The following DOCK11 variants were observed in gnomAD, a reference collection of about 807,000 sequenced individuals.
DOCK11 encodes dedicator of cytokinesis 11.
Under a neutral mutation model 169.1 loss-of-function variants are expected in DOCK11, and 70 were observed. That is an observed-to-expected ratio of 0.41 (90% confidence interval 0.34 to 0.51). DOCK11 has a LOEUF of 0.51. Ranked by LOEUF, DOCK11 falls within the 20% of genes least tolerant of loss-of-function variation. The pLI is 0.10. For missense variants in DOCK11, 1,166 were observed against 1,538.8 expected (o/e 0.76, Z 4.05); for synonymous variants, 529 against 541.3 (o/e 0.98, Z 0.32).
At chrX:118,662,610 C>G (rs1013036361) in intron 44 of DOCK11, 76 bp from the exon 45 acceptor site, 17 of 504,170 alleles carry the variant, frequency 3.4e-5, no homozygotes, top group African/African-American at 4.8e-5. Flanking sequence ...TTAAATAGCC[C>G]ATCTCTGTAA....
At chrX:118,577,694 C>G (rs2013490295) in intron 12 of DOCK11, among the ~76,000 whole-genome samples, 1 of 111,611 alleles carries the variant, frequency 9.0e-6, no homozygotes, top group Non-Finnish European at 1.9e-5. Flanking sequence ...CTGTCTACCT[C>G]CAAGGGTTCT....
chrX:118,531,731 G>A (rs1346542311), intron 1 of DOCK11, among the ~76,000 whole-genome samples: 1 of 109,521 alleles, frequency 9.1e-6, no homozygotes, highest in African/African-American at 3.3e-5. Context: ...CTAACTTTTT[G>A]TATTTTTAGT....
At chrX:118,510,584 G>C (rs1315704947) in intron 1 of DOCK11, among the ~76,000 whole-genome samples, 1 of 111,309 alleles carries the variant, frequency 9.0e-6, no homozygotes, top group Non-Finnish European at 1.9e-5. Context: ...AAAGAGGTAG[G>C]GGTGTGTGTG....
chrX:118,615,671 G>A lies in DOCK11; in HGVS notation c.3252G>A (p.Leu1084=), dbSNP rs1210888488. The part of the protein sequence containing the change: ...CNHEHYIPLN[L]PMAFAKPKLQ... ...ACGAACATTACATTCCTCTGAACTT[G>A]CCAATGGCATTTGCAAAACCTAAAC... Residue 1084 remains leucine, a synonymous_variant, in exon 30 of 53, where the codon TTG becomes TTA. Coordinates refer to ENST00000276202, the MANE Select transcript of DOCK11 (RefSeq NM_144658.4). The A allele has an allele frequency of 1.7e-6, 2 of 1,209,211 alleles. No homozygotes were observed. Among genetic ancestry groups the A allele is most frequent in the Non-Finnish European group, 1.1e-6 (1 of 894,266 alleles).
chrX:118,677,862 C>T (rs1175173072), intron 48 of DOCK11, among the ~76,000 whole-genome samples: 1 of 112,078 alleles, frequency 8.9e-6, no homozygotes, highest in East Asian at 2.8e-4. Flanking sequence ...AAGACTTGTT[C>T]CCACAATATT....
At chrX:118,629,239 C>G (rs762287370) in intron 34 of DOCK11, among the ~76,000 whole-genome samples, 6 of 111,540 alleles carry the variant, frequency 5.4e-5, no homozygotes, top group Non-Finnish European at 1.1e-4. Context: ...AAATGTTTCT[C>G]TTTTACACCA....
rs2013778440 is a variant in DOCK11 at position 118,585,088 on chromosome X, C to T, written c.1766C>T (p.Thr589Ile). 2 of 1,207,180 alleles carry T rather than the reference C, an allele frequency of 1.7e-6. No homozygotes were observed. The highest frequency in any genetic ancestry group is 2.2e-6 in the Non-Finnish European group (2 of 892,918). ...ATTATTCCTGGGCAGCTAAACATCACAGTAGAATGTGTTCCTGTGGATTTA... is the reference window on the plus strand; with the variant it reads ...ATTATTCCTGGGCAGCTAAACATCATAGTAGAATGTGTTCCTGTGGATTTA... Reference protein sequence around the residue: ...LQIIPGQLNITVECVPVDLSN... With the variant: ...LQIIPGQLNIIVECVPVDLSN... Residue 589 changes from threonine to isoleucine, a missense_variant, in exon 16 of 53, where the codon ACA becomes ATA. Coordinates refer to ENST00000276202, the MANE Select transcript of DOCK11 (RefSeq NM_144658.4).
chrX:118,590,441 CAG>C (rs949690444), intron 19 of DOCK11, 139 bp downstream of exon 19: 2 of 520,374 alleles, frequency 3.8e-6, no homozygotes, highest in Admixed American at 3.7e-5. Flanking sequence ...TACAACAAAA[CAG>C]AGTGTTACTG....
intron 23 of DOCK11, among the ~76,000 whole-genome samples, chrX:118,600,640 G>A (rs1345448849): frequency 9.0e-6 from 1 of 111,162 alleles, no homozygotes; most frequent in African/African-American, 3.3e-5. Context: ...GGTAATAACT[G>A]TTATAAAGAA....
chrX:118,618,703 C>T lies in DOCK11; in HGVS notation c.3446C>T (p.Ala1149Val). ...ATAAAGAATCTTTTGATAAAACATGCATTTGACACAAGATACCAGCACAAG... is the reference window on the plus strand; with the variant it reads ...ATAAAGAATCTTTTGATAAAACATGTATTTGACACAAGATACCAGCACAAG... ...SVIKNLLIKH[A>V]FDTRYQHKNQ... is the part of the protein sequence containing the mutation. Residue 1149 changes from alanine to valine, a missense_variant, in exon 31 of 53, where the codon GCA becomes GTA. By Grantham distance (64) the Ala-to-Val change is moderately conservative. Transcript: ENST00000276202. The T allele has an allele frequency of 1.2e-5, 14 of 1,205,951 alleles. No homozygotes were observed. The highest frequency in any genetic ancestry group is 1.3e-5 in the Non-Finnish European group (12 of 891,756).
At chrX:118,593,420 A>G in intron 20 of DOCK11, 83 bp downstream of exon 20, 1 of 970,712 alleles carries the variant, frequency 1.0e-6, no homozygotes, top group Non-Finnish European at 1.4e-6. Flanking sequence ...ACCAAGCTAT[A>G]GACCACTTCT....
At chrX:118,577,710 G>C (rs758577730) in intron 12 of DOCK11, among the ~76,000 whole-genome samples, 2 of 111,423 alleles carry the variant, frequency 1.8e-5, no homozygotes, top group South Asian at 7.6e-4. Flanking sequence ...GTTCTATCTG[G>C]TACAAATGAG....
At chrX:118,531,456 A>G in intron 1 of DOCK11, among the ~76,000 whole-genome samples, 1 of 96,852 alleles carries the variant, frequency 1.0e-5, no homozygotes, top group Non-Finnish European at 2.1e-5. Context: ...AAAAAACAGG[A>G]AGTGAAGCTG....
intron 32 of DOCK11, among the ~76,000 whole-genome samples, chrX:118,626,958 C>T (rs1007508029): frequency 1.8e-5 from 2 of 112,370 alleles, no homozygotes; most frequent in East Asian, 2.8e-4. Context: ...GGCTGGGCGC[C>T]GTGGCACATG....
chrX:118,646,096 A>C (rs1193999026), intron 40 of DOCK11, among the ~76,000 whole-genome samples: 1 of 109,328 alleles, frequency 9.1e-6, no homozygotes, highest in Non-Finnish European at 1.9e-5. Flanking sequence ...AACAACAAAA[A>C]AACAGAGAGA....
At chrX:118,628,978 T>C (rs2015173499) in intron 34 of DOCK11, among the ~76,000 whole-genome samples, 1 of 112,099 alleles carries the variant, frequency 8.9e-6, no homozygotes, top group South Asian at 3.7e-4. Flanking sequence ...GATTTTCTAA[T>C]ATGAGCACTT....
intron 51 of DOCK11, among the ~76,000 whole-genome samples, chrX:118,682,394 C>T (rs956532608): frequency 1.8e-5 from 2 of 111,344 alleles, no homozygotes; most frequent in Admixed American, 1.9e-4. Context: ...CATTTGCTCC[C>T]GACTTATTTT....
chrX:118,496,648 G>C (rs1470696382), intron 1 of DOCK11, among the ~76,000 whole-genome samples: 2 of 112,277 alleles, frequency 1.8e-5, no homozygotes, highest in East Asian at 5.7e-4. Context: ...CAACTGGGGA[G>C]AGAGGGTGGT....
intron 28 of DOCK11, among the ~76,000 whole-genome samples, chrX:118,613,423 A>G (rs1053261997): frequency 4.5e-5 from 5 of 112,267 alleles, no homozygotes; most frequent in African/African-American, 1.6e-4. Context: ...TCTAGGCACT[A>G]TGAAGGATAT....
Sources: allele counts gnomAD v4.1 joint callset (sites outside exome capture counted in the v4.1 genomes callset), GRCh38; gene constraint gnomAD v4.1.1; transcripts MANE v1.5; gene names NCBI Gene and HGNC (gene_info 2026-07-23, HGNC 2026-07-21).